CLVS1: variants seen among roughly 807,000 people sequenced by gnomAD.
The protein encoded by CLVS1 is clavesin 1.
In CLVS1, 10 loss-of-function variants were observed where a neutral mutation model predicts 33.1. The observed-to-expected ratio is 0.30, with a 90% CI of 0.19 to 0.51. CLVS1 has a LOEUF of 0.51. Among genes scored for constraint, CLVS1 ranks in the 20% least tolerant of loss-of-function variants. The pLI is 0.97. For missense variants in CLVS1, 343 were observed against 433.4 expected (o/e 0.79, Z 1.85); for synonymous variants, 163 against 166.1 (o/e 0.98, Z 0.14).
At chr8:61,450,223 G>A (rs931562317) in intron 3 of CLVS1, among the ~76,000 whole-genome samples, 2 of 151,960 alleles carry the variant, frequency 1.3e-5, no homozygotes, top group Non-Finnish European at 2.9e-5. Flanking sequence ...CCTAACTGAG[G>A]GTAAACTTAC....
intron 3 of CLVS1, among the ~76,000 whole-genome samples, chr8:61,381,578 C>T (rs988358631): frequency 5.3e-5 from 8 of 152,074 alleles, no homozygotes; most frequent in Non-Finnish European, 7.4e-5. Flanking sequence ...TTTTGTTCCT[C>T]GCCCTCCTTC....
intron 3 of CLVS1, among the ~76,000 whole-genome samples, chr8:61,405,766 C>T (rs971664540): frequency 4.1e-5 from 6 of 144,758 alleles, no homozygotes; most frequent in African/African-American, 1.3e-4. Context: ...CTAGCATAGT[C>T]AGGTGCCACT....
intron 2 of CLVS1, among the ~76,000 whole-genome samples, chr8:61,213,432 C>G (rs72654699): frequency 9.0e-6 from 1 of 110,648 alleles, no homozygotes; most frequent in Non-Finnish European, 1.8e-5. Context: ...ACAGATGTTG[C>G]GGGAAGTCAG....
intron 3 of CLVS1, among the ~76,000 whole-genome samples, chr8:61,424,223 T>G (rs1352778633): frequency 6.6e-6 from 1 of 152,214 alleles, no homozygotes. Flanking sequence ...TGCCTCTCAG[T>G]GAATGCTTGG....
At chr8:61,301,921 A>G (rs761466629) in intron 2 of CLVS1, among the ~76,000 whole-genome samples, 1 of 152,196 alleles carries the variant, frequency 6.6e-6, no homozygotes, top group Non-Finnish European at 1.5e-5. Context: ...TAATGAATCA[A>G]TTTCCAAAAC....
intron 5 of CLVS1, among the ~76,000 whole-genome samples, chr8:61,488,981 T>C (rs1362956564): frequency 1.3e-5 from 2 of 152,212 alleles, no homozygotes; most frequent in African/African-American, 2.4e-5. Flanking sequence ...TGTTGATGGA[T>C]TGCAGTTCTT....
the CLVS1 span, among the ~76,000 whole-genome samples, chr8:60,998,508 A>G: frequency 1.3e-5 from 2 of 152,086 alleles, no homozygotes; most frequent in African/African-American, 4.8e-5. Context: ...CTGTTTGGCT[A>G]CCATCACACT....
At chr8:61,345,741 GA>G in intron 2 of CLVS1, among the ~76,000 whole-genome samples, 1 of 151,906 alleles carries the variant, frequency 6.6e-6, no homozygotes, top group South Asian at 2.1e-4. Context: ...AAAGGGAAGA[GA>G]TGGGGGAAAG....
At chr8:61,319,099 G>A (rs954977590) in intron 2 of CLVS1, among the ~76,000 whole-genome samples, 2 of 152,014 alleles carry the variant, frequency 1.3e-5, no homozygotes, top group Non-Finnish European at 2.9e-5. Flanking sequence ...AGTCCTGGAT[G>A]TAATTTCTCT....
intron 2 of CLVS1, among the ~76,000 whole-genome samples, chr8:61,158,732 C>A (rs771031885): frequency 9.9e-5 from 15 of 151,870 alleles, no homozygotes; most frequent in Non-Finnish European, 1.6e-4. Flanking sequence ...TTCCAAAACA[C>A]TAAATGACAA....
chr8:61,123,602 A>G (rs1445087140), intron 1 of CLVS1, among the ~76,000 whole-genome samples: 1 of 152,122 alleles, frequency 6.6e-6, no homozygotes, highest in African/African-American at 2.4e-5. Context: ...TTTCTTCATT[A>G]TTAACTTAGT....
chr8:61,165,150 T>A (rs1386838357), intron 2 of CLVS1, among the ~76,000 whole-genome samples: 1 of 152,150 alleles, frequency 6.6e-6, no homozygotes, highest in African/African-American at 2.4e-5. Context: ...TTTAGCCCCA[T>A]CGGGAGTGGC....
At position 61,495,580 on chromosome 8, in the gene CLVS1, T is replaced by C. The variant is rs373385329; in HGVS notation, c.978-3875T>C. ...CAAGATCCAAAAGGATGGAGATAGA[T>C]TGGAAACATGAGGCAAATTCAAGAA... On this transcript the variant is annotated intron_variant, in intron 5 of 5. Transcript: ENST00000325897. 1.2e-4 allele frequency among the ~76,000 whole-genome samples: 19 copies of C among 152,300 alleles called. No individual in the cohort carries two copies. The South Asian group carries it at 3.9e-3, about 32-fold the overall frequency.
intron 2 of CLVS1, among the ~76,000 whole-genome samples, chr8:61,156,197 A>C (rs961592084): frequency 1.6e-5 from 2 of 128,124 alleles, no homozygotes; most frequent in African/African-American, 5.9e-5. Flanking sequence ...CCTGGGCTAC[A>C]GAGAGAGATT....
chr8:61,484,464 A>G (rs1803794582), intron 5 of CLVS1, among the ~76,000 whole-genome samples: 1 of 152,226 alleles, frequency 6.6e-6, no homozygotes, highest in Admixed American at 6.5e-5. Context: ...AAATGGAGGA[A>G]CATTCCATGC....
At chr8:61,241,983 G>C (rs1808706082) in intron 2 of CLVS1, among the ~76,000 whole-genome samples, 1 of 151,400 alleles carries the variant, frequency 6.6e-6, no homozygotes, top group Admixed American at 6.6e-5. Flanking sequence ...CAGTCTCTGT[G>C]GTCTCTATTT....
chr8:61,146,292 C>G (rs1467666148), intron 2 of CLVS1, among the ~76,000 whole-genome samples: 1 of 152,148 alleles, frequency 6.6e-6, no homozygotes, highest in Non-Finnish European at 1.5e-5. Context: ...TTAGCATAAA[C>G]CTATGAACCT....
the CLVS1 span, among the ~76,000 whole-genome samples, chr8:61,050,488 G>A: frequency 6.6e-6 from 1 of 152,244 alleles, no homozygotes; most frequent in Non-Finnish European, 1.5e-5. Context: ...CTAGGACACA[G>A]TGTGCTGGGC....
chr8:60,965,852 C>T, the CLVS1 span: 2,685 of 152,910 alleles, frequency 0.018, 89 homozygotes, highest in African/African-American at 0.062. Flanking sequence ...TCTCTTGTCA[C>T]TCAGGCTGGA....
Sources: allele counts gnomAD v4.1 joint callset (sites outside exome capture counted in the v4.1 genomes callset), GRCh38; gene constraint gnomAD v4.1.1; transcripts MANE v1.5; gene names NCBI Gene and HGNC (gene_info 2026-07-23, HGNC 2026-07-21).